Variants in ZCWPW2 observed in about 807,000 individuals in gnomAD.
ZCWPW2 encodes the protein zinc finger CW-type PWWP domain protein 2.
ZCWPW2 carries 45 observed loss-of-function variants against 46.6 expected under a neutral mutation model. The observed-to-expected ratio is 0.96, with a 90% CI of 0.76 to 1.24. The LOEUF (loss-of-function observed/expected upper bound fraction) is 1.24. ZCWPW2 is among the 50% of genes most tolerant of loss of function. ZCWPW2 has a pLI of 0.00. For missense variants in ZCWPW2, 429 were observed against 403.9 expected, an observed-to-expected ratio of 1.06 and a Z score of -0.53; for synonymous variants, 152 against 137.1, an observed-to-expected ratio of 1.11 and a Z score of -0.76.
At chr3:28,406,065 A>T (rs1575099427) in intron 2 of ZCWPW2, among the ~76,000 whole-genome samples, 1 of 152,198 alleles carries the variant, frequency 6.6e-6, no homozygotes, top group South Asian at 2.1e-4. Flanking sequence ...TAAATTGAAT[A>T]TTTGACTGAG....
rs767182796 is a variant in ZCWPW2 at position 28,413,304 on chromosome 3, C to T, written c.236C>T (p.Pro79Leu). The part of the protein sequence containing the change: ...NNCSISEEDF[P>L]EESQLHQCGF... ...TGCTCAATTTCTGAAGAAGACTTCC[C>T]TGAAGAGTCTCAGCTTCATCAGTGT... The change falls in exon 3 of 10, where the codon CCT (proline) becomes CTT (leucine). Residue 79 changes from proline to leucine, a missense_variant. Transcript: ENST00000383768. The T allele has an allele frequency of 2.2e-5, 36 of 1,613,136 alleles. No homozygotes were observed. Among genetic ancestry groups the T allele is most frequent in the Non-Finnish European group, 2.9e-5 (34 of 1,179,498 alleles).
chr3:28,436,773 C>T (rs941195444), intron 4 of ZCWPW2, among the ~76,000 whole-genome samples: 2 of 152,260 alleles, frequency 1.3e-5, no homozygotes, highest in South Asian at 4.1e-4. Context: ...CTTCTCTGCT[C>T]TGACGTTTTG....
chr3:28,398,663 C>T, intron 2 of ZCWPW2, among the ~76,000 whole-genome samples: 1 of 152,168 alleles, frequency 6.6e-6, no homozygotes, highest in Non-Finnish European at 1.5e-5. Context: ...CCCAAATACA[C>T]ACCCCCATGG....
At position 28,359,401 on chromosome 3, in the gene ZCWPW2, C is replaced by T. The variant is rs142460220; in HGVS notation, c.-134+10198C>T. Among the ~76,000 whole-genome samples the T allele has an allele frequency of 2.3e-4, 35 of 151,988 alleles. No individual in the cohort carries two copies. In the East Asian group the frequency reaches 5.6e-3, roughly 24 times the overall value. Reference sequence around the variant, plus strand: ...GACAATTAAAATTTGTTCTATGCAACGAAGCAGAAGACAACTAGGATTTTC... The same window carrying T: ...GACAATTAAAATTTGTTCTATGCAATGAAGCAGAAGACAACTAGGATTTTC... On this transcript the variant is annotated intron_variant, in intron 1 of 9. Coordinates refer to ENST00000383768, the MANE Select transcript of ZCWPW2 (RefSeq NM_001040432.4).
At chr3:28,365,130 G>A (rs1575051025) in intron 1 of ZCWPW2, among the ~76,000 whole-genome samples, 1 of 151,048 alleles carries the variant, frequency 6.6e-6, no homozygotes. Flanking sequence ...TTCTTTTGCT[G>A]TGCAGAAGCT....
chr3:28,439,051 G>A (rs1216090312), intron 4 of ZCWPW2, among the ~76,000 whole-genome samples: 1 of 146,676 alleles, frequency 6.8e-6, no homozygotes, highest in East Asian at 2.0e-4. Context: ...TATCTATGGT[G>A]TGTGTGTGTA....
At chr3:28,391,092 C>A (rs1695469594) in intron 2 of ZCWPW2, among the ~76,000 whole-genome samples, 1 of 152,008 alleles carries the variant, frequency 6.6e-6, no homozygotes, top group African/African-American at 2.4e-5. Flanking sequence ...AAATTATTTT[C>A]AAGTTAAGGG....
intron 1 of ZCWPW2, among the ~76,000 whole-genome samples, chr3:28,388,251 C>T (rs1413916133): frequency 6.6e-6 from 1 of 152,118 alleles, no homozygotes; most frequent in Non-Finnish European, 1.5e-5. Flanking sequence ...ACAGAAATAT[C>T]CAGAATAACA....
rs546136604 is a variant in ZCWPW2 at position 28,489,370 on chromosome 3, G to A, written c.611-2757G>A. On this transcript the variant is annotated intron_variant, in intron 5 of 9. Transcript: ENST00000383768. ...GATACAACAAAACTTATTCCATCTT[G>A]TAATTACCATAAGGTTCTACTGGGC... is the stretch of plus-strand genomic sequence containing the variant. Among the ~76,000 whole-genome samples, 3 of 151,944 alleles carry A rather than the reference G, an allele frequency of 2.0e-5. No individual in the cohort carries two copies. In the South Asian group the frequency reaches 6.2e-4, roughly 32 times the overall value.
intron 4 of ZCWPW2, among the ~76,000 whole-genome samples, chr3:28,475,356 C>CT: frequency 6.6e-6 from 1 of 152,174 alleles, no homozygotes; most frequent in Non-Finnish European, 1.5e-5. Context: ...GTAACTGTTA[C>CT]TGCCCTGGTC....
intron 3 of ZCWPW2, 83 bp downstream of exon 3, chr3:28,413,483 A>T (rs1696492267): frequency 8.2e-7 from 1 of 1,212,304 alleles, no homozygotes; most frequent in Non-Finnish European, 1.1e-6. Context: ...AAGACTAAAC[A>T]TTTTTCTTTT....
chr3:28,367,959 G>T (rs1247986676), intron 1 of ZCWPW2, among the ~76,000 whole-genome samples: 1 of 152,062 alleles, frequency 6.6e-6, no homozygotes. Flanking sequence ...CAGAGACTAG[G>T]CTTGCAACCC....
intron 3 of ZCWPW2, among the ~76,000 whole-genome samples, chr3:28,432,849 G>A (rs1034060463): frequency 3.3e-5 from 5 of 151,918 alleles, no homozygotes; most frequent in Admixed American, 6.6e-5. Context: ...TTACTGAGAC[G>A]AACTCATCTG....
intron 4 of ZCWPW2, among the ~76,000 whole-genome samples, chr3:28,446,523 G>A (rs1204104883): frequency 6.6e-6 from 1 of 151,848 alleles, no homozygotes; most frequent in East Asian, 1.9e-4. Context: ...TGCAATGAAA[G>A]CAGTACTGAG....
At chr3:28,380,191 A>G (rs1442840546) in intron 1 of ZCWPW2, among the ~76,000 whole-genome samples, 2 of 151,888 alleles carry the variant, frequency 1.3e-5, no homozygotes, top group African/African-American at 2.4e-5. Context: ...TCACCATGTT[A>G]GCCAGGATGG....
chr3:28,431,648 A>G (rs1697262533), intron 3 of ZCWPW2, among the ~76,000 whole-genome samples: 1 of 152,184 alleles, frequency 6.6e-6, no homozygotes, highest in Non-Finnish European at 1.5e-5. Context: ...GGAGGACAAA[A>G]TTCAGCCCAT....
At chr3:28,491,532 C>T (rs533747205) in intron 5 of ZCWPW2, among the ~76,000 whole-genome samples, 1 of 152,106 alleles carries the variant, frequency 6.6e-6, no homozygotes, top group Admixed American at 6.6e-5. Flanking sequence ...GAATCTTTCT[C>T]TGAGGCACTG....
chr3:28,464,125 T>C (rs1188984156), intron 4 of ZCWPW2, among the ~76,000 whole-genome samples: 3 of 152,090 alleles, frequency 2.0e-5, no homozygotes, highest in African/African-American at 7.2e-5. Context: ...TGTTTTTTTG[T>C]TTATTTTATT....
At position 28,366,027 on chromosome 3, in the gene ZCWPW2, C is replaced by G. The variant is rs185555477; in HGVS notation, c.-134+16824C>G. Among the ~76,000 whole-genome samples the G allele has an allele frequency of 4.2e-3, 641 of 151,894 alleles. 10 individuals carry two copies. Among genetic ancestry groups the G allele is most frequent in the African/African-American group, 0.015 (617 of 41,422 alleles). On this transcript the variant is annotated intron_variant, in intron 1 of 9. Transcript: ENST00000383768. ...AGACTTTGCTGAAGTTGCCTATCAG[C>G]TTAAGGAGATTTTGGGCTGAGACGA...
Sources: gnomAD v4.1 joint callset for allele counts (sites outside exome capture counted in the v4.1 genomes callset) on GRCh38, gnomAD v4.1.1 for gene constraint, MANE v1.5 for transcripts, NCBI Gene and HGNC (gene_info 2026-07-23, HGNC 2026-07-21) for gene names.